DLG1: variants seen among roughly 807,000 people sequenced by gnomAD.
DLG1 encodes the protein disks large homolog 1.
DLG1 carries 42 observed loss-of-function variants against 123.4 expected under a neutral mutation model. That is an observed-to-expected ratio of 0.34 (90% CI 0.27 to 0.44). The LOEUF (loss-of-function observed/expected upper bound fraction) is 0.44, where lower values mean the gene tolerates loss of function less well. Ranked by LOEUF, DLG1 falls within the 20% of genes least tolerant of loss-of-function variation. The probability of loss-of-function intolerance (pLI) is 1.00; values close to 1 mark genes in which losing one functional copy is unlikely to be tolerated. For missense variants in DLG1, 942 were observed against 1,082.6 expected, an observed-to-expected ratio of 0.87 and a Z score of 1.82; for synonymous variants, 317 against 356.2, an observed-to-expected ratio of 0.89 and a Z score of 1.24.
rs1463767064 is a variant in DLG1, at chr3:197,120,039, C to A, written c.1166-509G>T. Among the ~76,000 whole-genome samples, 3 of 152,134 alleles carry A rather than the reference C, an allele frequency of 2.0e-5. No individual in the cohort carries two copies. The East Asian group carries it at 5.8e-4, about 29-fold the overall frequency. On this transcript the variant is annotated intron_variant, in intron 11 of 24. Coordinates refer to ENST00000667157, the MANE Select transcript of DLG1 (RefSeq NM_001366207.1). ...CTTTGGGAGGCCAAGGCAGGCGGAT[C>A]ACCTGAGGTCAGGAGTTCGCGACCA...
intron 4 of DLG1, among the ~76,000 whole-genome samples, chr3:197,240,753 G>A (rs976818925): frequency 7.2e-6 from 1 of 138,772 alleles, no homozygotes; most frequent in Non-Finnish European, 1.6e-5. Flanking sequence ...AGAAATCTTG[G>A]AACTGAGAAA....
intron 4 of DLG1, among the ~76,000 whole-genome samples, chr3:197,267,482 CAG>C (rs541370948): frequency 3.3e-4 from 50 of 152,210 alleles, no homozygotes; most frequent in African/African-American, 5.1e-4. Context: ...AGGAGAAAGA[CAG>C]GGGGAGAAAG....
chr3:197,184,204 C>T (rs1714375564), intron 5 of DLG1: 1 of 771,714 alleles, frequency 1.3e-6, no homozygotes, highest in East Asian at 1.1e-4. Context: ...CACTGGACTA[C>T]CAAGACCCTG....
Position 197,159,649 on chromosome 3 carries a change from T to C in DLG1, c.484-9853A>G, listed in dbSNP as rs549875819. On this transcript the variant is annotated intron_variant, in intron 5 of 24. Transcript: ENST00000667157. ...AAATTTTACTTGGGGACGGATATTT[T>C]AGTCCATTATTTTAATTTTATAATG... Among the ~76,000 whole-genome samples the C allele has an allele frequency of 1.8e-4, 28 of 152,362 alleles. No individual in the cohort carries two copies. The East Asian group carries it at 5.4e-3, about 29-fold the overall frequency.
chr3:197,116,083 C>G lies in DLG1; in HGVS notation c.1287G>C (p.Arg429Ser). 6.3e-7 allele frequency: 1 copy of G among 1,583,260 alleles called. No homozygotes were observed. The highest frequency in any genetic ancestry group is 8.5e-7 in the Non-Finnish European group (1 of 1,170,504). ...KAVLGDDEIT[R>S]EPRKVVLHRG... Reference sequence around the variant, plus strand: ...GATGAAGAACAACTTTTCTAGGTTCCCTAAAAATTAAAAAAAATTGAGTAT... The same window carrying G: ...GATGAAGAACAACTTTTCTAGGTTCGCTAAAAATTAAAAAAAATTGAGTAT... The change falls in exon 13 of 25, where the codon AGG becomes AGC. Residue 429 changes from arginine (R) to serine (S), a missense_variant and splice_region_variant. Transcript: ENST00000667157.
chr3:197,138,431 T>C, intron 8 of DLG1, 40 bp from the exon 9 acceptor site: 3 of 1,083,090 alleles, frequency 2.8e-6, no homozygotes, highest in Non-Finnish European at 3.5e-6. Flanking sequence ...AAATTAAATA[T>C]AATTTAAATA....
intron 4 of DLG1, among the ~76,000 whole-genome samples, chr3:197,225,105 C>T (rs752883347): frequency 2.0e-5 from 3 of 152,140 alleles, no homozygotes; most frequent in African/African-American, 4.8e-5. Context: ...TACAGGCACC[C>T]GCCACCGCAC....
intron 4 of DLG1, among the ~76,000 whole-genome samples, chr3:197,270,994 T>C (rs191073731): frequency 1.7e-3 from 258 of 152,236 alleles, no homozygotes; most frequent in African/African-American, 5.5e-3. Context: ...AAAAAGGTAA[T>C]GTCATTTAAA....
At position 197,091,045 on chromosome 3, in the gene DLG1, A is replaced by G. The variant is rs1302432518; in HGVS notation, c.1547-19T>C. On this transcript the variant is annotated intron_variant, in intron 14 of 24. Coordinates refer to ENST00000667157, the MANE Select transcript of DLG1 (RefSeq NM_001366207.1). ...CTGTATTCTGATGGAAGAAAAAGAG[A>G]AATAAATTGATATATTTTCAAAAAA... 2.0e-6 allele frequency: 3 copies of G among 1,481,864 alleles called. No individual in the cohort carries two copies. Among genetic ancestry groups the G allele is most frequent in the Admixed American group, 3.4e-5 (2 of 58,994 alleles). The allele number at this position is 1,481,864 out of a possible 1,614,324, so 91.8% of individuals were successfully genotyped here.
At chr3:197,268,546 C>T (rs539841619) in intron 4 of DLG1, among the ~76,000 whole-genome samples, 8 of 151,980 alleles carry the variant, frequency 5.3e-5, no homozygotes, top group South Asian at 2.1e-4. Flanking sequence ...CATCCTCCCA[C>T]GTAGCTGGGA....
chr3:197,110,204 T>C (rs1769074168), intron 13 of DLG1, among the ~76,000 whole-genome samples: 1 of 152,208 alleles, frequency 6.6e-6, no homozygotes, highest in Non-Finnish European at 1.5e-5. Flanking sequence ...GTTCAGTTCT[T>C]CAGCATCAAA....
At chr3:197,176,244 CACAT>C (rs574877222) in intron 5 of DLG1, among the ~76,000 whole-genome samples, 25 of 152,186 alleles carry the variant, frequency 1.6e-4, no homozygotes, top group African/African-American at 6.0e-4. Flanking sequence ...CCTGCTCACA[CACAT>C]AAACTATCCA....
At chr3:197,179,985 A>C (rs1279645072) in intron 5 of DLG1, among the ~76,000 whole-genome samples, 1 of 144,424 alleles carries the variant, frequency 6.9e-6, no homozygotes, top group Non-Finnish European at 1.5e-5. Flanking sequence ...TTCAATTCTG[A>C]CAAGTTTTCA....
chr3:197,049,637 A>G (rs1232771630), intron 24 of DLG1, among the ~76,000 whole-genome samples: 1 of 151,936 alleles, frequency 6.6e-6, no homozygotes, highest in African/African-American at 2.4e-5. Context: ...CTGTAATCCC[A>G]GCTACTCAGG....
At position 197,068,687 on chromosome 3, in the gene DLG1, C is replaced by T. The variant is rs116659795; in HGVS notation, c.2047+532G>A. 1.8e-3 allele frequency: 950 copies of T among 542,192 alleles called. 10 individuals carry two copies. The highest frequency in any genetic ancestry group is 0.017 in the African/African-American group (863 of 51,920). 33.6% of individuals were successfully genotyped at this position (542,192 alleles called of 1,614,324 possible). A position where few individuals can be genotyped will look rare whatever the true frequency, so the allele number is the denominator to read the frequency against. On this transcript the variant is annotated intron_variant, in intron 19 of 24. Transcript: ENST00000667157. ...GCTTGTGCAGTTCACTTAATAAAAC[C>T]AAGAATGTAATATAAAACAGCAAAA...
intron 5 of DLG1, among the ~76,000 whole-genome samples, chr3:197,192,137 A>G (rs1719937377): frequency 6.6e-6 from 1 of 152,160 alleles, no homozygotes; most frequent in Admixed American, 6.5e-5. Flanking sequence ...CTGCCAATGC[A>G]CTCCAGCCTG....
intron 3 of DLG1, among the ~76,000 whole-genome samples, chr3:197,292,135 T>C (rs1368603257): frequency 1.3e-5 from 2 of 152,134 alleles, no homozygotes; most frequent in African/African-American, 4.8e-5. Flanking sequence ...CCAAAAGAAC[T>C]GAAAGCAGGG....
intron 4 of DLG1, among the ~76,000 whole-genome samples, chr3:197,234,147 A>T (rs1368768590): frequency 6.6e-6 from 1 of 152,232 alleles, no homozygotes; most frequent in Admixed American, 6.5e-5. Flanking sequence ...GGTTTTGAAC[A>T]GTGGTTCCCA....
intron 17 of DLG1, among the ~76,000 whole-genome samples, chr3:197,079,824 T>C (rs942989588): frequency 1.4e-4 from 22 of 152,260 alleles, no homozygotes; most frequent in African/African-American, 5.3e-4. Context: ...ATGTAACACA[T>C]AATTTTCTCA....
Sources: allele counts gnomAD v4.1 joint callset (sites outside exome capture counted in the v4.1 genomes callset), GRCh38; gene constraint gnomAD v4.1.1; transcripts MANE v1.5; gene names NCBI Gene and HGNC (gene_info 2026-07-23, HGNC 2026-07-21).